RNF128: variants seen among roughly 807,000 people sequenced by gnomAD.
RNF128 encodes E3 ubiquitin-protein ligase RNF128.
In RNF128, 13 loss-of-function variants were observed where a neutral mutation model predicts 26.2. The ratio of observed to expected loss-of-function variants is 0.50; its 90% CI spans 0.32 to 0.79. The LOEUF is 0.79. Among genes scored for constraint, RNF128 ranks in the 30% least tolerant of loss-of-function variants. The probability of loss-of-function intolerance (pLI) is 0.03; values close to 1 mark genes in which losing one functional copy is unlikely to be tolerated. For missense variants in RNF128, 315 were observed against 349.7 expected (o/e 0.90, Z 0.79); for synonymous variants, 149 against 142.5 (o/e 1.05, Z -0.32).
At chrX:106,699,420 AT>A (rs1440247588) in intron 1 of RNF128, among the ~76,000 whole-genome samples, 3 of 108,047 alleles carry the variant, frequency 2.8e-5, no homozygotes, top group Admixed American at 9.9e-5. Flanking sequence ...CTTCTCCTTC[AT>A]TTTTTTTTCA....
chrX:106,700,210 A>G (rs1057512152), intron 1 of RNF128, among the ~76,000 whole-genome samples: 2 of 109,443 alleles, frequency 1.8e-5, no homozygotes, highest in Non-Finnish European at 3.8e-5. Flanking sequence ...TTTTTTAGAG[A>G]CAGGGGTCTC....
At chrX:106,787,116 G>GA (rs1434556336) in intron 3 of RNF128, among the ~76,000 whole-genome samples, 3 of 111,193 alleles carry the variant, frequency 2.7e-5, no homozygotes, top group Non-Finnish European at 3.8e-5. Flanking sequence ...CCTAAAGGGA[G>GA]AAAAAATCTA....
chrX:106,707,675 C>G (rs941769676), intron 1 of RNF128, among the ~76,000 whole-genome samples: 1 of 110,130 alleles, frequency 9.1e-6, no homozygotes, highest in Non-Finnish European at 1.9e-5. Flanking sequence ...TCAGGAGTCC[C>G]CCTCCCCAAC....
intron 2 of RNF128, among the ~76,000 whole-genome samples, chrX:106,779,890 C>A (rs1272592078): frequency 9.0e-6 from 1 of 111,694 alleles, no homozygotes; most frequent in Non-Finnish European, 1.9e-5. Flanking sequence ...GATACCTAAA[C>A]AGCTACATGG....
At chrX:106,699,144 T>C (rs1299039627) in intron 1 of RNF128, among the ~76,000 whole-genome samples, 1 of 112,095 alleles carries the variant, frequency 8.9e-6, no homozygotes, top group Non-Finnish European at 1.9e-5. Flanking sequence ...GCTTCTTAAG[T>C]GTTCTCTCTT....
At chrX:106,734,370 C>G (rs1463026819) in intron 1 of RNF128, among the ~76,000 whole-genome samples, 1 of 111,997 alleles carries the variant, frequency 8.9e-6, no homozygotes, top group Non-Finnish European at 1.9e-5. Context: ...TTGATCACCA[C>G]TTGTGCTTCA....
At chrX:106,725,134 G>A (rs1303009924), upstream of RNF128, among the ~76,000 whole-genome samples, 3 of 111,653 alleles carry the variant, frequency 2.7e-5, no homozygotes, top group African/African-American at 9.8e-5. Context: ...TTCTGGAATT[G>A]TACCATTTCT....
intron 1 of RNF128, among the ~76,000 whole-genome samples, chrX:106,748,542 A>G (rs970777041): frequency 8.9e-6 from 1 of 112,283 alleles, no homozygotes; most frequent in African/African-American, 3.2e-5. Flanking sequence ...CAAAAGATGA[A>G]TGGATAAAGA....
chrX:106,724,507 C>A (rs1033176719), upstream of RNF128, among the ~76,000 whole-genome samples: 5 of 111,867 alleles, frequency 4.5e-5, no homozygotes, highest in Non-Finnish European at 7.5e-5. Context: ...AAGAACTGGC[C>A]CCCATGTACC....
At position 106,714,276 on chromosome X, in the gene RNF128, T is replaced by C. The variant is rs752839851; in HGVS notation, c.406+19868T>C. 6.3e-4 allele frequency among the ~76,000 whole-genome samples: 70 copies of C among 111,612 alleles called. 2 individuals carry two copies. The highest frequency in any genetic ancestry group is 2.1e-3 in the African/African-American group (66 of 30,755). ...AGAAACACGGTGATTTTTTTTTATG[T>C]TTTAAGAAAATATGCAAATTCTTCA... On this transcript the variant is annotated intron_variant, in intron 1 of 6. Transcript: ENST00000324342.
At chrX:106,694,468 C>T in intron 1 of RNF128, 1 of 950,869 alleles carries the variant, frequency 1.1e-6, no homozygotes, top group Non-Finnish European at 1.4e-6. Context: ...ATGGTATTTC[C>T]ATCTAGAACT....
chrX:106,775,538 G>A (rs1039857317), intron 2 of RNF128, among the ~76,000 whole-genome samples: 38 of 111,488 alleles, frequency 3.4e-4, no homozygotes, highest in African/African-American at 1.2e-3. Context: ...TCTATTTGGA[G>A]AAGGCTTTTG....
chrX:106,779,028 CT>C (rs1429042928), intron 2 of RNF128, among the ~76,000 whole-genome samples: 1 of 111,092 alleles, frequency 9.0e-6, no homozygotes, highest in Non-Finnish European at 1.9e-5. Flanking sequence ...AGTTCAGGGT[CT>C]TTTACAGAAA....
intron 1 of RNF128, among the ~76,000 whole-genome samples, chrX:106,766,999 C>G (rs1930262343): frequency 9.0e-6 from 1 of 111,385 alleles, no homozygotes; most frequent in African/African-American, 3.3e-5. Context: ...TTGTTTTTGT[C>G]AGGTTTGTCA....
intron 1 of RNF128, among the ~76,000 whole-genome samples, chrX:106,742,333 G>T (rs1292766140): frequency 8.9e-6 from 1 of 111,816 alleles, no homozygotes; most frequent in Non-Finnish European, 1.9e-5. Flanking sequence ...TGACCTTAAT[G>T]TTTGAAAAGC....
At chrX:106,731,572 T>G (rs1269357343) in intron 1 of RNF128, among the ~76,000 whole-genome samples, 1 of 112,170 alleles carries the variant, frequency 8.9e-6, no homozygotes, top group Non-Finnish European at 1.9e-5. Flanking sequence ...CATTTTCAGA[T>G]GTAGCCTTCT....
chrX:106,715,425 G>A (rs1192373650), intron 1 of RNF128, among the ~76,000 whole-genome samples: 1 of 112,059 alleles, frequency 8.9e-6, no homozygotes, highest in Non-Finnish European at 1.9e-5. Flanking sequence ...TTTTACATAG[G>A]AATTCAAATA....
At chrX:106,708,142 G>A (rs1025638935) in intron 1 of RNF128, among the ~76,000 whole-genome samples, 7 of 111,743 alleles carry the variant, frequency 6.3e-5, no homozygotes, top group African/African-American at 9.8e-5. Flanking sequence ...GGGGTTCCTC[G>A]GCTTGATGAC....
intron 1 of RNF128, among the ~76,000 whole-genome samples, chrX:106,770,726 C>T (rs1027570403): frequency 9.0e-6 from 1 of 111,556 alleles, no homozygotes; most frequent in Admixed American, 9.5e-5. Context: ...TTTGTTATTA[C>T]CGATCATCTG....
Sources: gnomAD v4.1 joint callset for allele counts (sites outside exome capture counted in the v4.1 genomes callset) on GRCh38, gnomAD v4.1.1 for gene constraint, MANE v1.5 for transcripts, NCBI Gene and HGNC (gene_info 2026-07-23, HGNC 2026-07-21) for gene names.